The following IFI30 variants were observed in gnomAD, a reference collection of about 807,000 sequenced individuals.
IFI30 encodes gamma-interferon-inducible lysosomal thiol reductase.
A neutral mutation model predicts 30.1 loss-of-function variants in IFI30; 26 were observed. The observed-to-expected ratio is 0.87, with a 90% confidence interval of 0.63 to 1.20. The LOEUF is 1.20. Among genes scored for constraint, IFI30 ranks in the 50% most tolerant of loss-of-function variants. The probability of loss-of-function intolerance (pLI) is 0.00; values close to 1 mark genes in which losing one functional copy is unlikely to be tolerated. For missense variants in IFI30, 296 were observed against 312.5 expected (o/e 0.95, Z 0.40); for synonymous variants, 149 against 134.5 (o/e 1.11, Z -0.75).
At chr19:18,176,605 T>C (rs749717568) in intron 4 of IFI30, among the ~76,000 whole-genome samples, 6 of 151,974 alleles carry the variant, frequency 3.9e-5, no homozygotes, top group Non-Finnish European at 7.4e-5. Flanking sequence ...TGATGGGATG[T>C]GGAGATGATA....
Position 18,173,840 on chromosome 19 carries a change from C to A in IFI30, c.-2C>A. The A allele has an allele frequency of 6.5e-7, 1 of 1,545,674 alleles. No homozygotes were observed. The highest frequency in any genetic ancestry group is 1.2e-5 in the South Asian group (1 of 83,908). ...AGTCGCCACACCTTTGCCCCTGCTG[C>A]GATGACCCTGTCGCCACTTCTGCTG... is the stretch of plus-strand genomic sequence containing the variant. On this transcript the variant is annotated 5_prime_UTR_variant, in exon 1 of 7. Coordinates refer to ENST00000407280, the MANE Select transcript of IFI30 (RefSeq NM_006332.5).
intron 3 of IFI30, 31 bp downstream of exon 3, chr19:18,175,416 G>T: frequency 6.4e-7 from 1 of 1,562,000 alleles, no homozygotes; most frequent in South Asian, 1.2e-5. Flanking sequence ...ACACTGGGGT[G>T]GGGGAAAACT....
chr19:18,177,145 G>T lies in IFI30; in HGVS notation c.489G>T (p.Leu163=). ...EDMERSLPLC[L]QLYAPGLSPD... is the part of the protein sequence containing the mutation. Reference sequence around the variant, plus strand: ...CCTGCTCCCCACCCACCCAGTGCCTGCAGCTCTACGCCCCAGGGCTGTCGC... The same window carrying T: ...CCTGCTCCCCACCCACCCAGTGCCTTCAGCTCTACGCCCCAGGGCTGTCGC... The change falls in exon 5 of 7, where the codon CTG becomes CTT. Residue 163 remains leucine (L), a synonymous_variant. Transcript: ENST00000407280. 2 of 1,558,466 alleles carry T rather than the reference G, an allele frequency of 1.3e-6. No homozygotes were observed. The highest frequency in any genetic ancestry group is 1.7e-6 in the Non-Finnish European group (2 of 1,150,398).
intron 4 of IFI30, among the ~76,000 whole-genome samples, chr19:18,176,577 A>T (rs929952384): frequency 2.0e-5 from 3 of 152,200 alleles, no homozygotes; most frequent in African/African-American, 7.2e-5. Context: ...GATGAGCAGG[A>T]ATGTGCAGAG....
intron 3 of IFI30, 93 bp downstream of exon 3, chr19:18,175,478 G>A (rs989807648): frequency 1.7e-5 from 24 of 1,398,870 alleles, no homozygotes; most frequent in African/African-American, 5.7e-5. Flanking sequence ...CTTCTGCCTC[G>A]TGTGCTCCCA....
Position 18,175,232 on chromosome 19 carries a change from C to A in IFI30, c.315+10C>A, listed in dbSNP as rs371677129. 4.4e-6 allele frequency: 7 copies of A among 1,577,690 alleles called. No individual in the cohort carries two copies. The highest frequency in any genetic ancestry group is 3.8e-5 in the Admixed American group (2 of 53,174). On this transcript the variant is annotated intron_variant, in intron 2 of 6. Coordinates refer to ENST00000407280, the MANE Select transcript of IFI30 (RefSeq NM_006332.5). Reference sequence around the variant, plus strand: ...CTACGGAAACGCACAGGTGTGTGGGCGCTGGGGAAACTGAGGCACGTGGGC... The same window carrying A: ...CTACGGAAACGCACAGGTGTGTGGGAGCTGGGGAAACTGAGGCACGTGGGC...
intron 4 of IFI30, 88 bp downstream of exon 4, chr19:18,175,785 C>A: frequency 5.7e-6 from 5 of 883,304 alleles, no homozygotes; most frequent in Non-Finnish European, 9.2e-6. Flanking sequence ...CAAGTCCTAG[C>A]CCTGACCACT....
At chr19:18,174,038 TTCTTTC>T (rs1227231152) in intron 1 of IFI30, 65 bp downstream of exon 1, 11 of 1,448,116 alleles carry the variant, frequency 7.6e-6, no homozygotes, top group Admixed American at 6.8e-5. Context: ...ACGCGGCTCC[TTCTTTC>T]TCCCCAGACT....
rs749888818 is a variant in IFI30 at position 18,177,761 on chromosome 19, C to T, written c.687C>T (p.Tyr229=). ...TQLLTLVCQL[Y]QGKKPDVCPS... ...TCCTTACCCTTGTCTGCCAGTTGTACCAGGTAAGCTGGGAGGGGAGCAGTG... is the reference window on the plus strand; with the variant it reads ...TCCTTACCCTTGTCTGCCAGTTGTATCAGGTAAGCTGGGAGGGGAGCAGTG... Residue 229 remains tyrosine, a synonymous_variant, in exon 6 of 7, where the codon TAC becomes TAT. Transcript: ENST00000407280. The T allele has an allele frequency of 3.7e-6, 6 of 1,613,652 alleles. No individual in the cohort carries two copies. In the South Asian group the frequency reaches 4.4e-5, roughly 12 times the overall value.
rs1967230497 is a variant in IFI30 at position 18,173,831 on chromosome 19, C to T, written c.-11C>T. 3.2e-6 allele frequency: 5 copies of T among 1,542,032 alleles called. No individual in the cohort carries two copies. The African/African-American group carries it at 5.5e-5, about 17-fold the overall frequency. On this transcript the variant is annotated 5_prime_UTR_variant, in exon 1 of 7. Coordinates refer to ENST00000407280, the MANE Select transcript of IFI30 (RefSeq NM_006332.5). ...AGCCGCTGCAGTCGCCACACCTTTG[C>T]CCCTGCTGCGATGACCCTGTCGCCA... is the stretch of plus-strand genomic sequence containing the variant.
At chr19:18,174,308 G>A in intron 1 of IFI30, 1 of 242,956 alleles carries the variant, frequency 4.1e-6, no homozygotes, top group Non-Finnish European at 8.0e-6. Flanking sequence ...GCTGGCCAAG[G>A]GCCGCCGGCA....
rs370566972 is a variant in IFI30, at chr19:18,177,688, G to C, written c.637-23G>C. 49 of 1,612,992 alleles carry C rather than the reference G, an allele frequency of 3.0e-5. No homozygotes were observed. The African/African-American group carries it at 5.9e-4, about 19-fold the overall frequency. ...GTTGGGGTAGCTGCTGGGAATATGC[G>C]ACCCCTGTCTTGCTTTGTGCAGAAA... On this transcript the variant is annotated intron_variant, in intron 5 of 6. Transcript: ENST00000407280.
Position 18,175,077 on chromosome 19 carries a change from C to A in IFI30, c.170C>A (p.Ser57Tyr). ...NLYLRGPLKK[S>Y]NAPLVNVTLY... ...TACCTGCGGGGGCCCCTGAAGAAGT[C>A]CAATGCACCGCTTGTCAATGTGACC... is the stretch of plus-strand genomic sequence containing the variant. The change falls in exon 2 of 7, where the codon TCC (serine) becomes TAC (tyrosine). Residue 57 changes from serine (S) to tyrosine (Y), a missense_variant. Coordinates refer to ENST00000407280, the MANE Select transcript of IFI30 (RefSeq NM_006332.5). 1.2e-6 allele frequency: 2 copies of A among 1,613,880 alleles called. No individual in the cohort carries two copies. The highest frequency in any genetic ancestry group is 1.7e-6 in the Non-Finnish European group (2 of 1,179,852).
chr19:18,176,098 C>T (rs1967266465), intron 4 of IFI30, among the ~76,000 whole-genome samples: 1 of 150,196 alleles, frequency 6.7e-6, no homozygotes, highest in Non-Finnish European at 1.5e-5. Context: ...GCCTTGGCCT[C>T]CCAAAGTGCT....
chr19:18,173,824 A>C lies in IFI30; in HGVS notation c.-18A>C. 6.6e-7 allele frequency: 1 copy of C among 1,526,378 alleles called. No homozygotes were observed. The highest frequency in any genetic ancestry group is 8.8e-7 in the Non-Finnish European group (1 of 1,136,188). 94.6% of individuals were successfully genotyped at this position (1,526,378 alleles called of 1,614,324 possible). On this transcript the variant is annotated 5_prime_UTR_variant, in exon 1 of 7. Transcript: ENST00000407280. ...CCCAGGCAGCCGCTGCAGTCGCCACACCTTTGCCCCTGCTGCGATGACCCT... is the reference window on the plus strand; with the variant it reads ...CCCAGGCAGCCGCTGCAGTCGCCACCCCTTTGCCCCTGCTGCGATGACCCT...
In IFI30 at chr19:18,175,179, T is replaced by C. The variant is rs202128812; in HGVS notation, c.272T>C (p.Met91Thr). Reference sequence around the variant, plus strand: ...CTCTTCCCAACATGGCTGTTGGTCATGGAGATCCTCAATGTCACGCTGGTG... The same window carrying C: ...CTCTTCCCAACATGGCTGTTGGTCACGGAGATCCTCAATGTCACGCTGGTG... ...RELFPTWLLV[M>T]EILNVTLVPY... Residue 91 changes from methionine (M) to threonine (T), a missense_variant, in exon 2 of 7, where the codon ATG becomes ACG. Transcript: ENST00000407280. 1.4e-4 allele frequency: 232 copies of C among 1,601,980 alleles called. No individual in the cohort carries two copies. Among genetic ancestry groups the C allele is most frequent in the Non-Finnish European group, 1.6e-4 (184 of 1,174,390 alleles).
intron 5 of IFI30, 102 bp downstream of exon 5, chr19:18,177,394 C>A: frequency 7.5e-7 from 1 of 1,341,396 alleles, no homozygotes; most frequent in Non-Finnish European, 1.0e-6. Flanking sequence ...GCGGAGGTTG[C>A]AGTGAGCTGA....
rs758888528 is a variant in IFI30 at position 18,177,870 on chromosome 19, C to T, written c.712C>T (p.Pro238Ser). 1 of 1,598,242 alleles carries T rather than the reference C, an allele frequency of 6.3e-7. No individual in the cohort carries two copies. Among genetic ancestry groups the T allele is most frequent in the Non-Finnish European group, 8.5e-7 (1 of 1,172,288 alleles). Residue 238 changes from proline to serine, a missense_variant, in exon 7 of 7, where the codon CCT becomes TCT. By Grantham distance (74) the Pro-to-Ser change is moderately conservative. Transcript: ENST00000407280. ...CCAGGGCAAGAAGCCGGATGTCTGC[C>T]CTTCCTCAACCAGCTCCCTCAGGAG... ...LYQGKKPDVC[P>S]SSTSSLRSVC...
rs969061629 is a variant in IFI30, at chr19:18,174,174, G to T, written c.132+201G>T. The T allele has an allele frequency of 5.5e-6, 3 of 544,468 alleles. No homozygotes were observed. The Admixed American group carries it at 1.1e-4, about 20-fold the overall frequency. 33.7% of individuals were successfully genotyped at this position (544,468 alleles called of 1,614,324 possible). On this transcript the variant is annotated intron_variant, in intron 1 of 6. Coordinates refer to ENST00000407280, the MANE Select transcript of IFI30 (RefSeq NM_006332.5). Reference sequence around the variant, plus strand: ...CCGTGCCGTTTCGCTTTCGCATCCCGCATCTGAGAGGCGCAGCTGCCTCCA... The same window carrying T: ...CCGTGCCGTTTCGCTTTCGCATCCCTCATCTGAGAGGCGCAGCTGCCTCCA...
Sources: gnomAD v4.1 joint callset for allele counts (sites outside exome capture counted in the v4.1 genomes callset) on GRCh38, gnomAD v4.1.1 for gene constraint, MANE v1.5 for transcripts, NCBI Gene and HGNC (gene_info 2026-07-23, HGNC 2026-07-21) for gene names.